PLD5: variants seen among roughly 807,000 people sequenced by gnomAD.
PLD5 encodes phospholipase D family member 5, also known as inactive phospholipase D5.
In PLD5, 36 loss-of-function variants were observed where a neutral mutation model predicts 61.1. The ratio of observed to expected loss-of-function variants is 0.59; its 90% CI spans 0.45 to 0.78. PLD5 has a LOEUF of 0.78. PLD5 is among the 30% of genes least tolerant of loss of function. The pLI is 0.00. For missense variants in PLD5, 515 were observed against 644.4 expected (o/e 0.80, Z 2.17); for synonymous variants, 243 against 242.8 (o/e 1.00, Z -0.01).
intron 2 of PLD5, among the ~76,000 whole-genome samples, chr1:242,346,997 T>C (rs908991535): frequency 3.9e-5 from 6 of 152,242 alleles, no homozygotes; most frequent in South Asian, 2.1e-4. Flanking sequence ...TGTTCCTTTT[T>C]ATGGCTACAT....
At chr1:242,162,214 G>A (rs1477942543) in intron 5 of PLD5, among the ~76,000 whole-genome samples, 1 of 152,104 alleles carries the variant, frequency 6.6e-6, no homozygotes, top group East Asian at 1.9e-4. Flanking sequence ...GAAAGAACCA[G>A]GAACACTGGA....
chr1:242,174,720 T>TA (rs1383273056), intron 5 of PLD5, among the ~76,000 whole-genome samples: 1 of 152,020 alleles, frequency 6.6e-6, no homozygotes, highest in Non-Finnish European at 1.5e-5. Flanking sequence ...TATGCAGCCA[T>TA]AAAAAATGAT....
intron 1 of PLD5, among the ~76,000 whole-genome samples, chr1:242,503,301 G>A (rs1170803897): frequency 2.0e-5 from 3 of 152,040 alleles, no homozygotes; most frequent in African/African-American, 7.2e-5. Context: ...AAAGGATGTG[G>A]CCCCTCCCAT....
intron 1 of PLD5, among the ~76,000 whole-genome samples, chr1:242,382,657 G>T (rs1662366958): frequency 6.6e-6 from 1 of 152,158 alleles, no homozygotes; most frequent in African/African-American, 2.4e-5. Context: ...GAGAAGCACT[G>T]AACAATGAAT....
intron 3 of PLD5, among the ~76,000 whole-genome samples, chr1:242,276,655 TCAC>T (rs777465561): frequency 8.6e-5 from 13 of 151,386 alleles, no homozygotes; most frequent in Non-Finnish European, 1.6e-4. Flanking sequence ...CTTCATCTCT[TCAC>T]AGATGTCCCA....
intron 9 of PLD5, 36 bp downstream of exon 9, chr1:242,100,631 AC>A: frequency 6.8e-7 from 1 of 1,462,342 alleles, no homozygotes. Context: ...TCCCTGGGTG[AC>A]CCCCACCCAA....
intron 1 of PLD5, among the ~76,000 whole-genome samples, chr1:242,395,990 G>A (rs1269826153): frequency 1.3e-5 from 2 of 152,316 alleles, no homozygotes; most frequent in Non-Finnish European, 2.9e-5. Context: ...AGAGGTTGCA[G>A]TGAGGCGAGA....
chr1:242,400,599 C>T (rs1663875291), intron 1 of PLD5, among the ~76,000 whole-genome samples: 1 of 152,124 alleles, frequency 6.6e-6, no homozygotes, highest in Admixed American at 6.5e-5. Flanking sequence ...CCATCCCATA[C>T]ATTGAAAGCT....
chr1:242,443,748 T>C (rs1666379315), intron 1 of PLD5, among the ~76,000 whole-genome samples: 1 of 152,214 alleles, frequency 6.6e-6, no homozygotes, highest in African/African-American at 2.4e-5. Context: ...CAGTCAAGGC[T>C]ATCAACATGA....
At chr1:242,183,193 T>C (rs957475537) in intron 5 of PLD5, among the ~76,000 whole-genome samples, 1 of 152,210 alleles carries the variant, frequency 6.6e-6, no homozygotes, top group Non-Finnish European at 1.5e-5. Context: ...AATATATATC[T>C]TTTAAAATTT....
At chr1:242,158,039 G>A (rs191054649) in intron 5 of PLD5, among the ~76,000 whole-genome samples, 33 of 152,282 alleles carry the variant, frequency 2.2e-4, no homozygotes, top group African/African-American at 5.8e-4. Flanking sequence ...TGGCCACAGC[G>A]GCCTTCCTGA....
In PLD5 at chr1:242,207,824, TTATA is replaced by T. The variant is rs1302458514; in HGVS notation, c.735+12160_735+12163del. ...TTTATATATATTTATATTTATATAT[TTATA>T]TATATTTATATATTTATATATATTT... is the stretch of plus-strand genomic sequence containing the variant. On this transcript the variant is annotated intron_variant, in intron 5 of 9. Coordinates refer to ENST00000536534, the MANE Select transcript of PLD5 (RefSeq NM_001372062.1). Among the ~76,000 whole-genome samples the T allele has an allele frequency of 1.9e-4, 10 of 51,914 alleles. 1 individual carries two copies. Among genetic ancestry groups the T allele is most frequent in the African/African-American group, 9.2e-4 (10 of 10,918 alleles). The allele number at this position is 51,914 out of a possible 152,430, so 34.1% of individuals were successfully genotyped here. A position where few individuals can be genotyped will look rare whatever the true frequency, so the allele number is the denominator to read the frequency against.
In PLD5 at chr1:242,232,470, C is replaced by A. The variant is rs1574572050; in HGVS notation, c.608-12355G>T. Among the ~76,000 whole-genome samples the A allele has an allele frequency of 4.6e-5, 7 of 151,560 alleles. 2 individuals are homozygous for A. Among genetic ancestry groups the A allele is most frequent in the Admixed American group, 4.6e-4 (7 of 15,226 alleles). On this transcript the variant is annotated intron_variant, in intron 4 of 9. Transcript: ENST00000536534. ...TTATGTAATTTGGGGGGATATGTACCTTATTTAGGAAAGTATTAATTTAGA... is the reference window on the plus strand; with the variant it reads ...TTATGTAATTTGGGGGGATATGTACATTATTTAGGAAAGTATTAATTTAGA...
At chr1:242,492,067 C>T (rs551803503) in intron 1 of PLD5, among the ~76,000 whole-genome samples, 39 of 152,164 alleles carry the variant, frequency 2.6e-4, no homozygotes, top group Admixed American at 7.9e-4. Flanking sequence ...TCTTATTTTC[C>T]TCATAGTCTA....
intron 1 of PLD5, among the ~76,000 whole-genome samples, chr1:242,413,358 A>G (rs1664659703): frequency 6.6e-6 from 1 of 151,394 alleles, no homozygotes; most frequent in Admixed American, 6.6e-5. Flanking sequence ...GTCCTATTAC[A>G]TATGATAGAC....
chr1:242,288,546 G>A lies in PLD5; in HGVS notation c.327-16C>T. On this transcript the variant is annotated splice_polypyrimidine_tract_variant and intron_variant, in intron 2 of 9. Transcript: ENST00000536534. Reference sequence around the variant, plus strand: ...CAGGGCAATTCTTAGAAAAGATTTTGAAAAACAAACAAACAAAATCTAGTC... The same window carrying A: ...CAGGGCAATTCTTAGAAAAGATTTTAAAAAACAAACAAACAAAATCTAGTC... 6.3e-7 allele frequency: 1 copy of A among 1,591,470 alleles called. No individual in the cohort carries two copies. Among genetic ancestry groups the A allele is most frequent in the Non-Finnish European group, 8.5e-7 (1 of 1,170,738 alleles).
intron 1 of PLD5, among the ~76,000 whole-genome samples, chr1:242,379,435 C>T (rs1188157771): frequency 3.9e-5 from 6 of 152,082 alleles, no homozygotes; most frequent in African/African-American, 1.4e-4. Context: ...GGAATGGGGG[C>T]ACCACCAGCC....
At position 242,243,000 on chromosome 1, in the gene PLD5, A is replaced by G. The variant is rs369573028; in HGVS notation, c.607+22337T>C. 5.0e-4 allele frequency among the ~76,000 whole-genome samples: 76 copies of G among 152,280 alleles called. No homozygotes were observed. The South Asian group carries it at 0.015, about 29-fold the overall frequency. On this transcript the variant is annotated intron_variant, in intron 4 of 9. Transcript: ENST00000536534. ...ACTCATTCCCCATATCTTTCCTTCC[A>G]GTAAGGAATCGACATAAATGTGACA...
rs1491491950 is a variant in PLD5 at position 242,394,949 on chromosome 1, TTA to T, written c.190-46709_190-46708del. On this transcript the variant is annotated intron_variant, in intron 1 of 9. Coordinates refer to ENST00000536534, the MANE Select transcript of PLD5 (RefSeq NM_001372062.1). ...GTATACATTATATGAATATATATGA[TTA>T]TATATGAATATATATGATTATATAT... Among the ~76,000 whole-genome samples the T allele has an allele frequency of 3.0e-5, 2 of 67,188 alleles. 1 individual carries two copies. The highest frequency in any genetic ancestry group is 3.9e-4 in the Admixed American group (2 of 5,104). The allele number at this position is 67,188 out of a possible 152,430, so 44.1% of individuals were successfully genotyped here.
Sources: gnomAD v4.1 joint callset for allele counts (sites outside exome capture counted in the v4.1 genomes callset) on GRCh38, gnomAD v4.1.1 for gene constraint, MANE v1.5 for transcripts, NCBI Gene and HGNC (gene_info 2026-07-23, HGNC 2026-07-21) for gene names.